The following TMTC2 variants were observed in gnomAD, a reference collection of about 807,000 sequenced individuals.
TMTC2 encodes the protein protein O-mannosyl-transferase TMTC2.
Under a neutral mutation model 82.4 loss-of-function variants are expected in TMTC2, and 43 were observed. That is an observed-to-expected ratio of 0.52 (90% confidence interval 0.41 to 0.67). The LOEUF is 0.67. TMTC2 is among the 30% of genes least tolerant of loss of function. The pLI is 0.00. For missense variants in TMTC2, 919 were observed against 1,012.4 expected, an observed-to-expected ratio of 0.91 and a Z score of 1.25; for synonymous variants, 408 against 381.9, an observed-to-expected ratio of 1.07 and a Z score of -0.80.
chr12:83,008,008 G>C (rs1021681710), intron 8 of TMTC2, among the ~76,000 whole-genome samples: 1 of 152,118 alleles, frequency 6.6e-6, no homozygotes, highest in African/African-American at 2.4e-5. Context: ...CTTATCCATA[G>C]GTAAGGTGAT....
intron 4 of TMTC2, among the ~76,000 whole-genome samples, chr12:82,950,245 A>C (rs993389009): frequency 6.6e-6 from 1 of 152,126 alleles, no homozygotes; most frequent in Non-Finnish European, 1.5e-5. Context: ...AATAATTGCT[A>C]TTGCTAATTG....
intron 1 of TMTC2, among the ~76,000 whole-genome samples, chr12:82,779,580 C>G (rs1350469041): frequency 1.3e-5 from 2 of 152,118 alleles, no homozygotes; most frequent in African/African-American, 4.8e-5. Context: ...CACAATTTAA[C>G]TTAGTGTAGC....
At chr12:82,955,387 G>A (rs1345019958) in intron 4 of TMTC2, among the ~76,000 whole-genome samples, 1 of 152,112 alleles carries the variant, frequency 6.6e-6, no homozygotes. Context: ...TTTGCGTTCA[G>A]CTCTGTCCAA....
At chr12:83,125,299 A>G (rs1437142650) in intron 11 of TMTC2, among the ~76,000 whole-genome samples, 2 of 152,160 alleles carry the variant, frequency 1.3e-5, no homozygotes, top group East Asian at 3.8e-4. Context: ...CTGGTTCCCA[A>G]TGGAAGCAAC....
chr12:82,762,791 C>G (rs1053686890), intron 1 of TMTC2, among the ~76,000 whole-genome samples: 2 of 151,482 alleles, frequency 1.3e-5, no homozygotes, highest in Non-Finnish European at 2.9e-5. Flanking sequence ...CTTATAAAAA[C>G]AAATTAATGA....
intron 8 of TMTC2, among the ~76,000 whole-genome samples, chr12:83,019,750 T>C (rs1880830172): frequency 6.6e-6 from 1 of 152,204 alleles, no homozygotes; most frequent in Admixed American, 6.5e-5. Flanking sequence ...ATTTCTCTCA[T>C]GTCAGTCCAC....
intron 1 of TMTC2, among the ~76,000 whole-genome samples, chr12:82,797,700 A>G (rs1358982939): frequency 6.6e-6 from 1 of 152,128 alleles, no homozygotes; most frequent in Non-Finnish European, 1.5e-5. Flanking sequence ...ATTATCTGAC[A>G]GTGGTTTTCT....
intron 1 of TMTC2, among the ~76,000 whole-genome samples, chr12:82,741,358 T>C (rs1178573158): frequency 6.6e-6 from 1 of 152,212 alleles, no homozygotes; most frequent in African/African-American, 2.4e-5. Flanking sequence ...TTGCCCAGGC[T>C]GGAGTGCAGT....
chr12:82,862,447 A>G (rs901225031), intron 2 of TMTC2, among the ~76,000 whole-genome samples: 1 of 152,252 alleles, frequency 6.6e-6, no homozygotes, highest in Non-Finnish European at 1.5e-5. Context: ...AAGTCAATGT[A>G]GCAATACTAA....
At chr12:82,951,305 T>TC in intron 4 of TMTC2, among the ~76,000 whole-genome samples, 1 of 151,804 alleles carries the variant, frequency 6.6e-6, no homozygotes, top group African/African-American at 2.4e-5. Flanking sequence ...TTAACTTTTT[T>TC]TTTTGAAATG....
At chr12:83,121,506 C>T (rs1031804152) in intron 11 of TMTC2, among the ~76,000 whole-genome samples, 7 of 152,078 alleles carry the variant, frequency 4.6e-5, no homozygotes, top group African/African-American at 1.7e-4. Flanking sequence ...TAATGTGCAC[C>T]ATCCGTGGGT....
At chr12:83,125,081 G>A (rs1305461683) in intron 11 of TMTC2, among the ~76,000 whole-genome samples, 1 of 152,162 alleles carries the variant, frequency 6.6e-6, no homozygotes, top group African/African-American at 2.4e-5. Flanking sequence ...TATTCTGCAT[G>A]CTGGCTAGCT....
intron 3 of TMTC2, among the ~76,000 whole-genome samples, chr12:82,909,740 T>A (rs1450529674): frequency 6.6e-6 from 1 of 152,218 alleles, no homozygotes; most frequent in African/African-American, 2.4e-5. Context: ...TTATTGGTTC[T>A]GTACAAGGTG....
intron 4 of TMTC2, among the ~76,000 whole-genome samples, chr12:82,937,734 G>GTGTGTGGA (rs1565818062): frequency 2.1e-4 from 5 of 24,230 alleles, no homozygotes; most frequent in Non-Finnish European, 3.3e-4. Context: ...GTGTGGATGT[G>GTGTGTGGA]TGTGTGTGTG....
At chr12:83,055,252 T>A (rs1322170080) in intron 10 of TMTC2, among the ~76,000 whole-genome samples, 1 of 152,052 alleles carries the variant, frequency 6.6e-6, no homozygotes, top group Non-Finnish European at 1.5e-5. Flanking sequence ...AGAAGATCAG[T>A]GAATTTCTGG....
At chr12:82,780,694 T>C (rs185342693) in intron 1 of TMTC2, among the ~76,000 whole-genome samples, 1 of 152,218 alleles carries the variant, frequency 6.6e-6, no homozygotes, top group Admixed American at 6.5e-5. Flanking sequence ...AACTAACACT[T>C]CGTTTGGTGG....
At chr12:82,881,285 A>G (rs1872812940) in intron 2 of TMTC2, among the ~76,000 whole-genome samples, 1 of 152,196 alleles carries the variant, frequency 6.6e-6, no homozygotes, top group Admixed American at 6.5e-5. Context: ...CAATGATTAT[A>G]TGGGTTTCAT....
chr12:83,073,238 C>G (rs192619428), intron 11 of TMTC2, among the ~76,000 whole-genome samples: 38 of 152,174 alleles, frequency 2.5e-4, no homozygotes, highest in Non-Finnish European at 5.0e-4. Flanking sequence ...TCATATGATG[C>G]TTAGTTTTGC....
chr12:82,763,201 A>C lies in TMTC2; in HGVS notation c.83+75532A>C, dbSNP rs201461200. 6.1e-3 allele frequency among the ~76,000 whole-genome samples: 885 copies of C among 145,510 alleles called. 29 individuals carry two copies. Among genetic ancestry groups the C allele is most frequent in the Admixed American group, 0.043 (623 of 14,548 alleles). ...CAAGCATAGAAGCTAGAAAAAAAAA[A>C]CAAGAAAAAAATAATTAAGATATAA... is the stretch of plus-strand genomic sequence containing the variant. On this transcript the variant is annotated intron_variant, in intron 1 of 11. Coordinates refer to ENST00000321196, the MANE Select transcript of TMTC2 (RefSeq NM_152588.3).
Sources: gnomAD v4.1 joint callset for allele counts (sites outside exome capture counted in the v4.1 genomes callset) on GRCh38, gnomAD v4.1.1 for gene constraint, MANE v1.5 for transcripts, NCBI Gene and HGNC (gene_info 2026-07-23, HGNC 2026-07-21) for gene names.